Variants in KCNN2 observed in about 807,000 individuals in gnomAD.
KCNN2 encodes potassium calcium-activated channel subfamily N member 2.
Under a neutral mutation model 55.5 loss-of-function variants are expected in KCNN2, and 24 were observed. The ratio of observed to expected loss-of-function variants is 0.43; its 90% confidence interval spans 0.31 to 0.61. KCNN2 has a LOEUF of 0.61. KCNN2 is among the 20% of genes least tolerant of loss of function. The pLI is 0.08. For missense variants in KCNN2, 754 were observed against 853.6 expected, an observed-to-expected ratio of 0.88 and a Z score of 1.45; for synonymous variants, 431 against 336.1, an observed-to-expected ratio of 1.28 and a Z score of -3.09.
intron 2 of KCNN2, among the ~76,000 whole-genome samples, chr5:114,225,514 A>G (rs896692449): frequency 2.0e-5 from 3 of 152,202 alleles, no homozygotes; most frequent in African/African-American, 7.2e-5. Context: ...GTAACAAAAG[A>G]CACATATATT....
chr5:114,164,377 C>T (rs569875562), intron 1 of KCNN2, among the ~76,000 whole-genome samples: 1 of 152,058 alleles, frequency 6.6e-6, no homozygotes, highest in South Asian at 2.1e-4. Context: ...TTTAGCTTTC[C>T]ATTTTAAAAT....
Position 114,123,343 on chromosome 5 carries a change from T to C in KCNN2, c.-271+66843T>C, listed in dbSNP as rs1333613929. Among the ~76,000 whole-genome samples the C allele has an allele frequency of 3.1e-5, 4 of 127,164 alleles. No individual in the cohort carries two copies. The East Asian group carries it at 8.1e-4, about 26-fold the overall frequency. The allele number at this position is 127,164 out of a possible 152,430, so 83.4% of individuals were successfully genotyped here. A position where few individuals can be genotyped will look rare whatever the true frequency, so the allele number is the denominator to read the frequency against. On this transcript the variant is annotated intron_variant, in intron 1 of 10. Transcript: ENST00000512097. ...GAGTTCTAATACTGTAAGAGGTACA[T>C]TTTCTTAATTTTTTTTTTTTTTTTT...
At chr5:114,154,825 C>A (rs1299366236) in intron 1 of KCNN2, among the ~76,000 whole-genome samples, 1 of 152,058 alleles carries the variant, frequency 6.6e-6, no homozygotes, top group South Asian at 2.1e-4. Flanking sequence ...CAGACAATGG[C>A]TATATTCTTA....
intron 1 of KCNN2, among the ~76,000 whole-genome samples, chr5:114,117,266 C>A (rs1486831594): frequency 6.6e-6 from 1 of 152,142 alleles, no homozygotes; most frequent in East Asian, 1.9e-4. Context: ...CTGAGAACCG[C>A]AGTAGCTTTT....
chr5:114,067,224 A>G (rs1469082631), intron 1 of KCNN2, among the ~76,000 whole-genome samples: 1 of 152,176 alleles, frequency 6.6e-6, no homozygotes, highest in Non-Finnish European at 1.5e-5. Flanking sequence ...TGGCATATGG[A>G]GAGTCTCTGA....
chr5:114,159,599 T>C (rs1200533157), intron 1 of KCNN2, among the ~76,000 whole-genome samples: 1 of 152,232 alleles, frequency 6.6e-6, no homozygotes. Flanking sequence ...TCCTTGTACC[T>C]CTGGTAGAAT....
At chr5:114,472,930 C>T (rs992495432) in intron 4 of KCNN2, 124 bp from the exon 5 acceptor site, 18 of 558,798 alleles carry the variant, frequency 3.2e-5, no homozygotes, top group African/African-American at 1.9e-5. Context: ...TTCTGTAATA[C>T]TTATTGAAGA....
chr5:114,127,724 C>G (rs1004395343), intron 1 of KCNN2, among the ~76,000 whole-genome samples: 1 of 152,210 alleles, frequency 6.6e-6, no homozygotes, highest in African/African-American at 2.4e-5. Flanking sequence ...TTCTTGTTTT[C>G]TATTGCCTCA....
At chr5:114,477,375 GTTTCTCTGTATGAC>G (rs1561408893) in intron 5 of KCNN2, among the ~76,000 whole-genome samples, 1 of 152,048 alleles carries the variant, frequency 6.6e-6, no homozygotes, top group East Asian at 1.9e-4. Flanking sequence ...TATAAAAGTT[GTTTCTCTGTATGAC>G]TACATTAACC....
chr5:114,417,576 C>T (rs1207426534), intron 3 of KCNN2, among the ~76,000 whole-genome samples: 1 of 152,146 alleles, frequency 6.6e-6, no homozygotes, highest in Non-Finnish European at 1.5e-5. Context: ...CTACCAAGGT[C>T]ACTGGCATTT....
At chr5:114,207,910 C>T (rs1753807582) in intron 1 of KCNN2, among the ~76,000 whole-genome samples, 2 of 152,136 alleles carry the variant, frequency 1.3e-5, no homozygotes, top group South Asian at 4.1e-4. Flanking sequence ...AAGTAAAAGT[C>T]CCATCTCCGT....
At chr5:114,056,632 A>G (rs1168937667) in intron 1 of KCNN2, 5 of 389,632 alleles carry the variant, frequency 1.3e-5, no homozygotes, top group Non-Finnish European at 2.3e-5. Context: ...ACTTTTCTCC[A>G]GCACCCACTC....
At chr5:114,319,087 T>C (rs1346898625) in intron 2 of KCNN2, among the ~76,000 whole-genome samples, 1 of 152,106 alleles carries the variant, frequency 6.6e-6, no homozygotes, top group African/African-American at 2.4e-5. Flanking sequence ...TATTCAGGAA[T>C]ATACTCATTC....
intron 2 of KCNN2, among the ~76,000 whole-genome samples, chr5:114,403,098 G>C (rs1427628645): frequency 6.6e-6 from 1 of 152,186 alleles, no homozygotes; most frequent in Non-Finnish European, 1.5e-5. Flanking sequence ...TTCTTTACCA[G>C]ATAAATACCT....
intron 2 of KCNN2, among the ~76,000 whole-genome samples, chr5:114,267,339 T>A (rs899817535): frequency 2.5e-4 from 38 of 152,182 alleles, no homozygotes; most frequent in African/African-American, 9.2e-4. Flanking sequence ...CTTTTTCGTG[T>A]GAGCATCTCT....
intron 1 of KCNN2, among the ~76,000 whole-genome samples, chr5:114,203,757 G>C (rs1030277118): frequency 6.6e-6 from 1 of 152,186 alleles, no homozygotes; most frequent in East Asian, 1.9e-4. Context: ...GAAGAGCATG[G>C]ACTCAGACTT....
chr5:114,074,819 C>T (rs538507318), intron 1 of KCNN2, among the ~76,000 whole-genome samples: 2,778 of 152,276 alleles, frequency 0.018, 95 homozygotes, highest in African/African-American at 0.063. Context: ...AAGTCAGTCC[C>T]TTTAAACCTT....
chr5:114,277,183 G>A (rs966855268), intron 2 of KCNN2, among the ~76,000 whole-genome samples: 1 of 152,154 alleles, frequency 6.6e-6, no homozygotes, highest in South Asian at 2.1e-4. Flanking sequence ...CTTCTGGCTT[G>A]TAGGGTTTCT....
At chr5:114,101,038 T>C (rs1390874288) in intron 1 of KCNN2, among the ~76,000 whole-genome samples, 1 of 152,076 alleles carries the variant, frequency 6.6e-6, no homozygotes, top group Non-Finnish European at 1.5e-5. Context: ...CTTTAATAAC[T>C]TTATATTTTT....
Sources: gnomAD v4.1 joint callset for allele counts (sites outside exome capture counted in the v4.1 genomes callset) on GRCh38, gnomAD v4.1.1 for gene constraint, MANE v1.5 for transcripts, NCBI Gene and HGNC (gene_info 2026-07-23, HGNC 2026-07-21) for gene names.